Variants in TTC39A observed in about 807,000 individuals in gnomAD.
TTC39A encodes tetratricopeptide repeat domain 39A.
A neutral mutation model predicts 82.3 loss-of-function variants in TTC39A; 46 were observed. The observed-to-expected ratio is 0.56, with a 90% confidence interval of 0.44 to 0.71. TTC39A has a LOEUF of 0.71. TTC39A is among the 30% of genes least tolerant of loss of function. The pLI is 0.00. For missense variants in TTC39A, 543 were observed against 712.9 expected (o/e 0.76, Z 2.71); for synonymous variants, 254 against 275.2 (o/e 0.92, Z 0.76).
At chr1:51,334,434 C>T (rs543262579), upstream of TTC39A, among the ~76,000 whole-genome samples, 9 of 152,120 alleles carry the variant, frequency 5.9e-5, no homozygotes, top group East Asian at 1.9e-4. Flanking sequence ...ACCCGGGAGG[C>T]GGAGGTTGCG....
intron 8 of TTC39A, among the ~76,000 whole-genome samples, chr1:51,304,515 G>C (rs1232120945): frequency 2.0e-5 from 3 of 152,182 alleles, no homozygotes; most frequent in African/African-American, 7.2e-5. Flanking sequence ...TTCCAGGCCA[G>C]TGCTCCTTCT....
At chr1:51,315,663 C>T (rs186467175) in intron 2 of TTC39A, among the ~76,000 whole-genome samples, 1 of 152,342 alleles carries the variant, frequency 6.6e-6, no homozygotes, top group East Asian at 1.9e-4. Flanking sequence ...TGTCCATCAC[C>T]CTGCCTTCTT....
At position 51,321,939 on chromosome 1, in the gene TTC39A, T is replaced by C; in HGVS notation, c.42-114A>G. 1.5e-6 allele frequency: 2 copies of C among 1,320,092 alleles called. No homozygotes were observed. The highest frequency in any genetic ancestry group is 2.1e-6 in the Non-Finnish European group (2 of 950,034). 81.8% of individuals were successfully genotyped at this position (1,320,092 alleles called of 1,614,324 possible). ...GCCTCCCTGGCCAGCCTTGGGTGCC[T>C]GTCACGAGCTCCTCCAGGCTGCCAC... On this transcript the variant is annotated intron_variant, in intron 1 of 17. Coordinates refer to ENST00000680483, the MANE Select transcript of TTC39A (RefSeq NM_001297663.2). The surrounding 1 kb of genome is among the most constrained non-coding windows in gnomAD (Gnocchi z 4.6).
At chr1:51,331,095 A>G (rs866138591), upstream of TTC39A, 12 of 1,171,630 alleles carry the variant, frequency 1.0e-5, no homozygotes, top group Middle Eastern at 2.0e-4. Flanking sequence ...CATAATTGCT[A>G]TTTTACAGAT....
At chr1:51,333,935 A>G (rs889676190), upstream of TTC39A, among the ~76,000 whole-genome samples, 1 of 152,192 alleles carries the variant, frequency 6.6e-6, no homozygotes, top group African/African-American at 2.4e-5. Context: ...TACATGCTAC[A>G]CATGATGTTC....
At chr1:51,301,439 T>G in intron 12 of TTC39A, 133 bp downstream of exon 12, 1 of 1,194,284 alleles carries the variant, frequency 8.4e-7, no homozygotes, top group Non-Finnish European at 1.1e-6. Flanking sequence ...CAAGCCTGAG[T>G]CCTATTAGAA....
At chr1:51,290,167 A>T (rs1274348177) in intron 15 of TTC39A, 48 bp from the exon 16 acceptor site, 7 of 1,564,998 alleles carry the variant, frequency 4.5e-6, no homozygotes, top group Middle Eastern at 1.7e-4. Context: ...TCATTTCTGC[A>T]GCAGTTACTT....
chr1:51,316,887 A>C (rs1645306530), intron 2 of TTC39A, among the ~76,000 whole-genome samples: 1 of 152,126 alleles, frequency 6.6e-6, no homozygotes. Context: ...GGCAAACCAC[A>C]CACACAGCAG....
rs552483325 is a variant in TTC39A at position 51,294,386 on chromosome 1, C to T, written c.1266+5G>A. On this transcript the variant is annotated splice_donor_5th_base_variant and intron_variant, in intron 14 of 17. Transcript: ENST00000680483. The surrounding 1 kb of genome is among the most constrained non-coding windows in gnomAD (Gnocchi z 4.3). ...GGGCAGCGCCAGTCCAGACCTCCTA[C>T]CCACCAGAGCAGGCACTGGCAGCGA... 2.5e-6 allele frequency: 4 copies of T among 1,613,962 alleles called. No individual in the cohort carries two copies. The South Asian group carries it at 3.3e-5, about 13-fold the overall frequency.
upstream of TTC39A, among the ~76,000 whole-genome samples, chr1:51,333,881 G>A (rs1645942162): frequency 6.6e-6 from 1 of 152,146 alleles, no homozygotes. Flanking sequence ...ATTTCCCTCT[G>A]AGGTTATTAT....
At chr1:51,338,694 C>T (rs746589062) in intron 1 of TTC39A, among the ~76,000 whole-genome samples, 1 of 151,234 alleles carries the variant, frequency 6.6e-6, no homozygotes, top group Non-Finnish European at 1.5e-5. Flanking sequence ...CCTCCACCTC[C>T]CAGTTTCAAG....
At chr1:51,305,865 C>G in intron 7 of TTC39A, 112 bp downstream of exon 7, 1 of 1,079,954 alleles carries the variant, frequency 9.3e-7, no homozygotes, top group South Asian at 1.4e-5. Flanking sequence ...ATCCTGGTGC[C>G]CAGCACACAG....
In TTC39A at chr1:51,302,243, C is replaced by G. The variant is rs558161122; in HGVS notation, c.891+114G>C. On this transcript the variant is annotated intron_variant, in intron 11 of 17. Transcript: ENST00000680483. ...CTCTCTGGTTGGTTCTCTCTTGGCC[C>G]CCCCCCCGCCCCCAGTCTATCCTGT... 6.7e-5 allele frequency: 38 copies of G among 568,400 alleles called. 1 individual carries two copies. In the East Asian group the frequency reaches 7.1e-4, roughly 11 times the overall value. 35.2% of individuals were successfully genotyped at this position (568,400 alleles called of 1,614,324 possible).
intron 10 of TTC39A, 36 bp from the exon 11 acceptor site, chr1:51,302,452 T>TG (rs1488804075): frequency 1.2e-6 from 2 of 1,606,364 alleles, no homozygotes; most frequent in Non-Finnish European, 1.7e-6. Context: ...TGTGGGTCCG[T>TG]GGGGTCTGTG....
chr1:51,318,734 G>T (rs951407732), intron 2 of TTC39A, among the ~76,000 whole-genome samples: 1 of 152,264 alleles, frequency 6.6e-6, no homozygotes, highest in South Asian at 2.1e-4. Flanking sequence ...AATTCAGGCC[G>T]CCAGGGCTCT....
chr1:51,316,509 G>T (rs1645291693), intron 2 of TTC39A, among the ~76,000 whole-genome samples: 1 of 152,146 alleles, frequency 6.6e-6, no homozygotes, highest in African/African-American at 2.4e-5. Context: ...TAGGAGCCCA[G>T]CTCAGGAGCC....
chr1:51,287,945 G>T lies in TTC39A; in HGVS notation c.*212C>A. On this transcript the variant is annotated 3_prime_UTR_variant, in exon 18 of 18. Transcript: ENST00000680483. ...GTATGTGTGATAGGGCAGGCAGAGG[G>T]CTCCACCTGCTCTGCCCTTGGCAAA... The T allele has an allele frequency of 1.6e-6, 1 of 631,636 alleles. No homozygotes were observed. Among genetic ancestry groups the T allele is most frequent in the Non-Finnish European group, 2.6e-6 (1 of 380,218 alleles). The allele number at this position is 631,636 out of a possible 1,614,324, so 39.1% of individuals were successfully genotyped here.
intron 1 of TTC39A, among the ~76,000 whole-genome samples, chr1:51,327,544 T>C (rs1411114221): frequency 6.6e-6 from 1 of 152,162 alleles, no homozygotes; most frequent in Non-Finnish European, 1.5e-5. Context: ...GAATGTTCCA[T>C]ACCCTCTATG....
chr1:51,287,536 G>A lies in TTC39A; in HGVS notation c.*621C>T, dbSNP rs766943579. 6.6e-6 allele frequency: 1 copy of A among 152,252 alleles called. No individual in the cohort carries two copies. The highest frequency in any genetic ancestry group is 6.5e-5 in the Admixed American group (1 of 15,284). The allele number at this position is 152,252 out of a possible 1,614,324, so 9.4% of individuals were successfully genotyped here. ...TCAGATTTTATCTCACTAAAAAGAC[G>A]TGCTTGATTTTTAAATTGGAAATTT... is the stretch of plus-strand genomic sequence containing the variant. On this transcript the variant is annotated 3_prime_UTR_variant, in exon 18 of 18. Coordinates refer to ENST00000680483, the MANE Select transcript of TTC39A (RefSeq NM_001297663.2).
Sources: allele counts gnomAD v4.1 joint callset (sites outside exome capture counted in the v4.1 genomes callset), GRCh38; gene constraint gnomAD v4.1.1; non-coding constraint Gnocchi (gnomAD v3.1); transcripts MANE v1.5; gene names NCBI Gene and HGNC (gene_info 2026-07-23, HGNC 2026-07-21).